Variants in PARN observed in about 807,000 individuals in gnomAD.
The protein encoded by PARN is poly(A)-specific ribonuclease PARN.
Under a neutral mutation model 102.8 loss-of-function variants are expected in PARN, and 71 were observed. The ratio of observed to expected loss-of-function variants is 0.69; its 90% confidence interval spans 0.57 to 0.84. The LOEUF is 0.84. PARN is among the 40% of genes least tolerant of loss of function. The pLI, the probability that PARN is intolerant of heterozygous loss-of-function variation, is 0.00. For synonymous variants in PARN, 261 were observed against 252.9 expected (o/e 1.03, Z -0.30); for missense variants, 782 against 760.9 (o/e 1.03, Z -0.33).
intron 13 of PARN, among the ~76,000 whole-genome samples, chr16:14,587,292 AC>A (rs1173837210): frequency 9.8e-5 from 15 of 152,292 alleles, no homozygotes; most frequent in African/African-American, 3.1e-4. Flanking sequence ...TCTCAATACC[AC>A]TAGAAAGCTT....
At chr16:14,584,564 T>C (rs1969729488) in intron 15 of PARN, 142 bp from the exon 16 acceptor site, 3 of 795,016 alleles carry the variant, frequency 3.8e-6, no homozygotes, top group Non-Finnish European at 6.0e-6. Context: ...AGTCTTCGTT[T>C]TTTTCAATGT....
At chr16:14,455,173 A>C (rs1173125394) in intron 22 of PARN, among the ~76,000 whole-genome samples, 2 of 152,236 alleles carry the variant, frequency 1.3e-5, no homozygotes, top group African/African-American at 4.8e-5. Context: ...AATGTAGAAA[A>C]GCTTCTTTCA....
chr16:14,569,216 T>C (rs373262929), intron 18 of PARN, among the ~76,000 whole-genome samples: 1 of 150,726 alleles, frequency 6.6e-6, no homozygotes, highest in African/African-American at 2.4e-5. Flanking sequence ...TCAAAAAATA[T>C]ATACAAATTT....
chr16:14,489,511 C>T (rs1963944683), intron 21 of PARN, among the ~76,000 whole-genome samples: 1 of 151,572 alleles, frequency 6.6e-6, no homozygotes, highest in Admixed American at 6.6e-5. Context: ...AAGGCCATTT[C>T]CAATACAATC....
At chr16:14,468,565 C>T (rs925934885) in intron 22 of PARN, among the ~76,000 whole-genome samples, 3 of 152,178 alleles carry the variant, frequency 2.0e-5, no homozygotes, top group Non-Finnish European at 4.4e-5. Context: ...AGCAGCCTTG[C>T]TGATGGGCAG....
At chr16:14,503,678 G>A (rs1160584513) in intron 21 of PARN, among the ~76,000 whole-genome samples, 1 of 152,208 alleles carries the variant, frequency 6.6e-6, no homozygotes, top group Non-Finnish European at 1.5e-5. Context: ...GGCAGGTTTT[G>A]AGAAGCACGG....
intron 22 of PARN, among the ~76,000 whole-genome samples, chr16:14,474,678 T>C (rs1231043934): frequency 6.6e-6 from 1 of 152,218 alleles, no homozygotes; most frequent in Non-Finnish European, 1.5e-5. Context: ...TGAAGAGTCT[T>C]TTCCGAGGTG....
At chr16:14,628,852 T>C (rs577919775) in intron 2 of PARN, among the ~76,000 whole-genome samples, 8 of 152,292 alleles carry the variant, frequency 5.3e-5, no homozygotes, top group South Asian at 2.1e-4. Context: ...ACCGTTCATA[T>C]TGACATCAGC....
At chr16:14,451,869 C>T (rs201401453) in intron 22 of PARN, among the ~76,000 whole-genome samples, 34 of 52,494 alleles carry the variant, frequency 6.5e-4, no homozygotes, top group Admixed American at 1.7e-3. Context: ...AAAAAAAATA[C>T]AAAAAAAAAA....
intron 23 of PARN, among the ~76,000 whole-genome samples, chr16:14,437,435 G>A (rs914006223): frequency 7.9e-5 from 12 of 152,292 alleles, no homozygotes; most frequent in African/African-American, 1.9e-4. Context: ...TTCCAGCTTC[G>A]GTGAAGCTGG....
At chr16:14,502,992 A>G (rs1964699646) in intron 21 of PARN, among the ~76,000 whole-genome samples, 1 of 152,236 alleles carries the variant, frequency 6.6e-6, no homozygotes, top group Non-Finnish European at 1.5e-5. Flanking sequence ...GACATATTGC[A>G]GAATAGCATT....
intron 20 of PARN, 92 bp downstream of exon 20, chr16:14,553,973 T>C: frequency 6.6e-6 from 5 of 753,860 alleles, no homozygotes; most frequent in Non-Finnish European, 1.1e-5. Context: ...AACATTCTTT[T>C]ATACGCAGGC....
intron 21 of PARN, among the ~76,000 whole-genome samples, chr16:14,518,934 G>A (rs1036959922): frequency 6.6e-6 from 1 of 152,264 alleles, no homozygotes; most frequent in African/African-American, 2.4e-5. Context: ...ATCAGACTGT[G>A]CACCCCTAGA....
At chr16:14,479,771 T>C (rs1304366908) in intron 22 of PARN, among the ~76,000 whole-genome samples, 1 of 152,006 alleles carries the variant, frequency 6.6e-6, no homozygotes, top group Non-Finnish European at 1.5e-5. Flanking sequence ...AGAAAACTCT[T>C]TTAAACAAAT....
chr16:14,532,506 T>C (rs747854055), intron 21 of PARN, among the ~76,000 whole-genome samples: 2 of 147,886 alleles, frequency 1.4e-5, no homozygotes, highest in Non-Finnish European at 3.0e-5. Context: ...AGGTCACAGA[T>C]AAACAGGATA....
chr16:14,595,291 G>T (rs757259283), intron 12 of PARN, among the ~76,000 whole-genome samples: 1 of 152,140 alleles, frequency 6.6e-6, no homozygotes, highest in Admixed American at 6.6e-5. Context: ...AATAAGTCAC[G>T]TGGTATTGTA....
chr16:14,457,464 G>A (rs1021455597), intron 22 of PARN, among the ~76,000 whole-genome samples: 4 of 152,040 alleles, frequency 2.6e-5, no homozygotes, highest in East Asian at 1.9e-4. Context: ...CCAAACCCTC[G>A]GAGATCACTG....
At chr16:14,440,012 C>T (rs955454118) in intron 23 of PARN, among the ~76,000 whole-genome samples, 1 of 151,804 alleles carries the variant, frequency 6.6e-6, no homozygotes, top group African/African-American at 2.4e-5. Context: ...AAGACTGTCT[C>T]GAAAACAACA....
chr16:14,606,581 A>C, intron 9 of PARN, 55 bp from the exon 10 acceptor site: 1 of 920,712 alleles, frequency 1.1e-6, no homozygotes. Context: ...GCTAAATCCC[A>C]AAGTATTTTA....
Sources: gnomAD v4.1 joint callset for allele counts (sites outside exome capture counted in the v4.1 genomes callset) on GRCh38, gnomAD v4.1.1 for gene constraint, MANE v1.5 for transcripts, NCBI Gene and HGNC (gene_info 2026-07-23, HGNC 2026-07-21) for gene names.